TTLL9: variants seen among roughly 807,000 people sequenced by gnomAD.
TTLL9 encodes the protein tubulin tyrosine ligase like 9, also known as probable tubulin polyglutamylase TTLL9.
In TTLL9, 47 loss-of-function variants were observed where a neutral mutation model predicts 65.6. That is an observed-to-expected ratio of 0.72 (90% CI 0.57 to 0.91). The LOEUF is 0.91. Ranked by LOEUF, TTLL9 falls within the 40% of genes least tolerant of loss-of-function variation. TTLL9 has a pLI of 0.00. For synonymous variants in TTLL9, 179 were observed against 204.8 expected, an observed-to-expected ratio of 0.87 and a Z score of 1.07; for missense variants, 537 against 568.8, an observed-to-expected ratio of 0.94 and a Z score of 0.57.
intron 6 of TTLL9, among the ~76,000 whole-genome samples, chr20:31,917,179 G>T (rs2063748024): frequency 6.6e-6 from 1 of 152,102 alleles, no homozygotes; most frequent in Non-Finnish European, 1.5e-5. Flanking sequence ...CAGCACCCAG[G>T]TCATAAACAG....
In TTLL9 at chr20:31,932,471, CA is replaced by C. The variant is rs58783829; in HGVS notation, c.749-1315del. 4.3e-3 allele frequency among the ~76,000 whole-genome samples: 369 copies of C among 86,276 alleles called. 1 individual carries two copies. Among genetic ancestry groups the C allele is most frequent in the Middle Eastern group, 6.8e-3 (1 of 146 alleles). The allele number at this position is 86,276 out of a possible 152,430, so 56.6% of individuals were successfully genotyped here. ...TGGGTGACAGAGCAAGACCCTGTCT[CA>C]AAAAAAAAAAAAAGGTCTAAAGAAG... On this transcript the variant is annotated intron_variant, in intron 10 of 14. Transcript: ENST00000535842.
chr20:31,909,051 A>G (rs947321286), intron 5 of TTLL9, among the ~76,000 whole-genome samples: 2 of 151,390 alleles, frequency 1.3e-5, no homozygotes, highest in African/African-American at 4.9e-5. Context: ...AAGGAGGTCT[A>G]GAAGGGACAG....
At chr20:31,900,736 T>G (rs1172158395) in intron 4 of TTLL9, among the ~76,000 whole-genome samples, 2 of 152,118 alleles carry the variant, frequency 1.3e-5, no homozygotes, top group Non-Finnish European at 2.9e-5. Context: ...TGAAAAGTGC[T>G]TGGGGGGAGT....
intron 10 of TTLL9, among the ~76,000 whole-genome samples, chr20:31,927,144 C>CTA (rs1028522960): frequency 2.0e-5 from 3 of 150,784 alleles, no homozygotes; most frequent in Non-Finnish European, 4.4e-5. Flanking sequence ...CTCTCTCTGT[C>CTA]TATATATATA....
chr20:31,934,571 A>G, intron 11 of TTLL9, 121 bp from the exon 12 acceptor site: 1 of 915,644 alleles, frequency 1.1e-6, no homozygotes, highest in Non-Finnish European at 1.6e-6. Flanking sequence ...TACAGGGCTC[A>G]GGGCTGGGCC....
chr20:31,919,385 A>T (rs1411287224), intron 6 of TTLL9, among the ~76,000 whole-genome samples: 2 of 152,114 alleles, frequency 1.3e-5, no homozygotes, highest in Non-Finnish European at 2.9e-5. Flanking sequence ...CAATGGTAGA[A>T]GGGGAGTAAT....
chr20:31,940,188 C>T lies in TTLL9; in HGVS notation c.1243+922C>T, dbSNP rs975333388. ...CAAATTTCTTTCCAGAAAGATTATA[C>T]GAATTTGTCAGATTTGAATTTTTAG... On this transcript the variant is annotated intron_variant, in intron 14 of 14. Coordinates refer to ENST00000535842, the MANE Select transcript of TTLL9 (RefSeq NM_001008409.5). 7 of 152,114 alleles carry T rather than the reference C, an allele frequency of 4.6e-5. No individual in the cohort carries two copies. The East Asian group carries it at 5.8e-4, about 13-fold the overall frequency. The allele number at this position is 152,114 out of a possible 1,614,324, so 9.4% of individuals were successfully genotyped here.
chr20:31,873,818 AAGG>A (rs1455734953), intron 2 of TTLL9, among the ~76,000 whole-genome samples: 53 of 57,388 alleles, frequency 9.2e-4, no homozygotes, highest in African/African-American at 2.3e-3. Context: ...GGAAGGAAGG[AAGG>A]AAGAAAGAAA....
chr20:31,905,606 C>G (rs1296831027), intron 4 of TTLL9, among the ~76,000 whole-genome samples: 1 of 152,190 alleles, frequency 6.6e-6, no homozygotes, highest in African/African-American at 2.4e-5. Context: ...AGATGTCCAT[C>G]TCTGGACATC....
intron 6 of TTLL9, among the ~76,000 whole-genome samples, chr20:31,916,925 TG>T (rs1272350406): frequency 6.6e-6 from 1 of 152,142 alleles, no homozygotes; most frequent in East Asian, 1.9e-4. Flanking sequence ...CAAGGGAAGC[TG>T]GGAAAACCTA....
At chr20:31,878,171 T>C (rs938351774) in intron 2 of TTLL9, among the ~76,000 whole-genome samples, 52 of 152,378 alleles carry the variant, frequency 3.4e-4, no homozygotes, top group African/African-American at 1.2e-3. Context: ...ATATAGAAAT[T>C]CAATATACAG....
chr20:31,895,856 T>TTTATTTAC (rs2063379363), intron 3 of TTLL9, among the ~76,000 whole-genome samples: 1 of 141,902 alleles, frequency 7.0e-6, no homozygotes, highest in African/African-American at 2.6e-5. Context: ...TATTTATTTA[T>TTTATTTAC]TGAGACAGGG....
intron 2 of TTLL9, among the ~76,000 whole-genome samples, chr20:31,880,498 T>C (rs1055116221): frequency 2.0e-5 from 3 of 147,732 alleles, no homozygotes; most frequent in South Asian, 2.1e-4. Context: ...CCAACCGACT[T>C]TTTTTTTTTT....
At chr20:31,894,098 CTTT>C (rs1162101774) in intron 3 of TTLL9, among the ~76,000 whole-genome samples, 11 of 92,090 alleles carry the variant, frequency 1.2e-4, no homozygotes, top group African/African-American at 4.2e-4. Flanking sequence ...CCATTTGGTT[CTTT>C]TTTTTTTTTT....
chr20:31,888,596 C>T (rs570114289), intron 3 of TTLL9, among the ~76,000 whole-genome samples: 52 of 152,064 alleles, frequency 3.4e-4, no homozygotes, highest in Admixed American at 1.3e-3. Context: ...CTCAGCCTCC[C>T]GAGTAGCTGA....
chr20:31,880,806 C>A (rs1225262984), intron 2 of TTLL9, among the ~76,000 whole-genome samples: 1 of 151,158 alleles, frequency 6.6e-6, no homozygotes. Flanking sequence ...CTTCTTAATC[C>A]CAGCTCTCAT....
intron 6 of TTLL9, among the ~76,000 whole-genome samples, chr20:31,918,422 T>A (rs2063769926): frequency 6.6e-6 from 1 of 152,068 alleles, no homozygotes; most frequent in Admixed American, 6.5e-5. Context: ...TTGCCCAGGC[T>A]GTGCAGTGGT....
intron 2 of TTLL9, chr20:31,879,858 G>GATCTGGCCCCTGGGGA (rs2063086655): frequency 6.5e-7 from 1 of 1,550,382 alleles, no homozygotes; most frequent in African/African-American, 1.4e-5. Flanking sequence ...TGGCGGTTTG[G>GATCTGGCCCCTGGGGA]ATCTGGCCCC....
chr20:31,871,462 T>C (rs1163661848), intron 2 of TTLL9, among the ~76,000 whole-genome samples: 2 of 152,148 alleles, frequency 1.3e-5, no homozygotes, highest in Non-Finnish European at 2.9e-5. Context: ...ACACTTCCTA[T>C]AGGACTGAAA....
Sources: gnomAD v4.1 joint callset for allele counts (sites outside exome capture counted in the v4.1 genomes callset) on GRCh38, gnomAD v4.1.1 for gene constraint, MANE v1.5 for transcripts, NCBI Gene and HGNC (gene_info 2026-07-23, HGNC 2026-07-21) for gene names.